Variants in SLC44A1 observed in about 807,000 individuals in gnomAD.
SLC44A1 encodes the protein choline transporter-like protein 1.
SLC44A1 carries 26 observed loss-of-function variants against 79.3 expected under a neutral mutation model. The observed-to-expected ratio is 0.33, with a 90% CI of 0.24 to 0.46. The LOEUF is 0.46. Among genes scored for constraint, SLC44A1 ranks in the 20% least tolerant of loss-of-function variants. The pLI, the probability that SLC44A1 is intolerant of heterozygous loss-of-function variation, is 1.00. For missense variants in SLC44A1, 688 were observed against 798.1 expected (o/e 0.86, Z 1.66); for synonymous variants, 263 against 286.2 (o/e 0.92, Z 0.82).
In SLC44A1 at chr9:105,393,490, T is replaced by G; in HGVS notation, c.*4434T>G. The G allele has an allele frequency of 1.1e-6, 1 of 944,330 alleles. No homozygotes were observed. Among genetic ancestry groups the G allele is most frequent in the African/African-American group, 1.8e-5 (1 of 56,472 alleles). 58.5% of individuals were successfully genotyped at this position (944,330 alleles called of 1,614,324 possible). A position where few individuals can be genotyped will look rare whatever the true frequency, so the allele number is the denominator to read the frequency against. On this transcript the variant is annotated 3_prime_UTR_variant, in exon 16 of 16. Transcript: ENST00000374720. Reference sequence around the variant, plus strand: ...ATACATTTGAGCCAAATTCTTATACTCCATGTTTTAATTTTAAAAGGATAA... The same window carrying G: ...ATACATTTGAGCCAAATTCTTATACGCCATGTTTTAATTTTAAAAGGATAA...
chr9:105,388,770 A>C (rs1828691858), intron 15 of SLC44A1, among the ~76,000 whole-genome samples: 1 of 152,188 alleles, frequency 6.6e-6, no homozygotes, highest in Non-Finnish European at 1.5e-5. Context: ...AAAGAACTTA[A>C]AGAGAAAAGG....
chr9:105,408,496 A>G (rs55936368), intron 15 of SLC44A1, among the ~76,000 whole-genome samples: 1 of 151,934 alleles, frequency 6.6e-6, no homozygotes, highest in Non-Finnish European at 1.5e-5. Flanking sequence ...TGCAACCTCC[A>G]CCTCCTGGGT....
chr9:105,275,187 C>T (rs1011633861), intron 1 of SLC44A1, among the ~76,000 whole-genome samples: 3 of 152,112 alleles, frequency 2.0e-5, no homozygotes, highest in East Asian at 3.8e-4. Context: ...ACTATACAAC[C>T]GTAGCATGTA....
intron 15 of SLC44A1, among the ~76,000 whole-genome samples, chr9:105,418,662 C>CACA (rs1829206399): frequency 6.6e-6 from 1 of 152,164 alleles, no homozygotes; most frequent in Non-Finnish European, 1.5e-5. Flanking sequence ...AGATGTGGGC[C>CACA]ACAACCCTGA....
At position 105,395,198 on chromosome 9, in the gene SLC44A1, A is replaced by G. The variant is rs527509591; in HGVS notation, c.*6142A>G. 343 of 984,916 alleles carry G rather than the reference A, an allele frequency of 3.5e-4. 2 individuals are homozygous for G. The African/African-American group carries it at 5.6e-3, about 16-fold the overall frequency. 61.0% of individuals were successfully genotyped at this position (984,916 alleles called of 1,614,324 possible). A position where few individuals can be genotyped will look rare whatever the true frequency, so the allele number is the denominator to read the frequency against. ...CCTACCCCACCCCACACTCCTAGAA[A>G]AGTTTGGGGGTTTTTTTTGTTTGTT... On this transcript the variant is annotated 3_prime_UTR_variant, in exon 16 of 16. Coordinates refer to ENST00000374720, the MANE Select transcript of SLC44A1 (RefSeq NM_080546.5).
At chr9:105,407,953 G>C (rs1425123055) in intron 15 of SLC44A1, among the ~76,000 whole-genome samples, 1 of 151,934 alleles carries the variant, frequency 6.6e-6, no homozygotes, top group Admixed American at 6.6e-5. Flanking sequence ...GATCACCTGA[G>C]GTCAGGAGTT....
At chr9:105,272,597 C>A (rs7868345) in intron 1 of SLC44A1, among the ~76,000 whole-genome samples, 2 of 149,788 alleles carry the variant, frequency 1.3e-5, no homozygotes, top group African/African-American at 4.9e-5. Flanking sequence ...ATTCTCTTTA[C>A]AGGTGAAAAA....
At chr9:105,313,632 A>G (rs1331474823) in intron 3 of SLC44A1, among the ~76,000 whole-genome samples, 1 of 151,708 alleles carries the variant, frequency 6.6e-6, no homozygotes, top group East Asian at 1.9e-4. Context: ...TATATTTTGA[A>G]CTCTGATTGG....
chr9:105,413,387 T>C (rs750234028), intron 15 of SLC44A1, among the ~76,000 whole-genome samples: 7 of 152,128 alleles, frequency 4.6e-5, no homozygotes, highest in Non-Finnish European at 8.8e-5. Flanking sequence ...TCCAAGAAAA[T>C]TTCGCCTTCC....
In SLC44A1 at chr9:105,361,052, T is replaced by C. The variant is rs183371334; in HGVS notation, c.761-139T>C. The C allele has an allele frequency of 7.6e-6, 6 of 792,350 alleles. No individual in the cohort carries two copies. In the East Asian group the frequency reaches 1.6e-4, roughly 21 times the overall value. The allele number at this position is 792,350 out of a possible 1,614,324, so 49.1% of individuals were successfully genotyped here. A position where few individuals can be genotyped will look rare whatever the true frequency, so the allele number is the denominator to read the frequency against. ...CTTTATGCTGGCAAAAAGTTATAGC[T>C]ATGTACTTCCCAGCCAAATGGATTG... On this transcript the variant is annotated intron_variant, in intron 7 of 15. Coordinates refer to ENST00000374720, the MANE Select transcript of SLC44A1 (RefSeq NM_080546.5).
chr9:105,373,950 A>T (rs1288852034), intron 12 of SLC44A1, among the ~76,000 whole-genome samples: 1 of 152,216 alleles, frequency 6.6e-6, no homozygotes, highest in Non-Finnish European at 1.5e-5. Flanking sequence ...TAATTGGCTT[A>T]TGTCAATCAA....
intron 1 of SLC44A1, among the ~76,000 whole-genome samples, chr9:105,274,345 G>A (rs1280725318): frequency 1.3e-5 from 2 of 152,296 alleles, no homozygotes; most frequent in Non-Finnish European, 2.9e-5. Context: ...AATTGTACTC[G>A]TGGAGGTGTA....
chr9:105,302,390 G>A (rs981181310), intron 2 of SLC44A1, among the ~76,000 whole-genome samples: 6 of 151,114 alleles, frequency 4.0e-5, no homozygotes, highest in Admixed American at 2.6e-4. Flanking sequence ...GTCTTGCTCT[G>A]TCATTCAGGC....
Position 105,390,521 on chromosome 9 carries a change from G to C in SLC44A1, c.*1465G>C. ...AAAGCATTGCCTCCTACCAGAACTA[G>C]ACAGTGAATTAGATCGGTATTATGG... is the stretch of plus-strand genomic sequence containing the variant. On this transcript the variant is annotated 3_prime_UTR_variant, in exon 16 of 16. Transcript: ENST00000374720. 1 of 981,116 alleles carries C rather than the reference G, an allele frequency of 1.0e-6. No homozygotes were observed. The highest frequency in any genetic ancestry group is 1.2e-6 in the Non-Finnish European group (1 of 829,442). The allele number at this position is 981,116 out of a possible 1,614,324, so 60.8% of individuals were successfully genotyped here. A position where few individuals can be genotyped will look rare whatever the true frequency, so the allele number is the denominator to read the frequency against.
intron 2 of SLC44A1, among the ~76,000 whole-genome samples, chr9:105,305,899 T>C (rs922818661): frequency 2.7e-5 from 4 of 148,786 alleles, no homozygotes; most frequent in African/African-American, 1.0e-4. Context: ...GCAAAAGCCC[T>C]TACTTAGGTA....
At chr9:105,377,623 C>T (rs996576096) in intron 13 of SLC44A1, among the ~76,000 whole-genome samples, 71 of 151,418 alleles carry the variant, frequency 4.7e-4, no homozygotes, top group African/African-American at 1.6e-3. Context: ...ATTAGCCGGG[C>T]GTGGTGGCGA....
At chr9:105,329,024 C>T (rs1327121326) in intron 3 of SLC44A1, among the ~76,000 whole-genome samples, 1 of 152,130 alleles carries the variant, frequency 6.6e-6, no homozygotes, top group Non-Finnish European at 1.5e-5. Context: ...TACCCCAACA[C>T]CAGCCCCTCT....
In SLC44A1 at chr9:105,396,560, C is replaced by G; in HGVS notation, c.*7504C>G. On this transcript the variant is annotated 3_prime_UTR_variant, in exon 16 of 16. Transcript: ENST00000374720. ...CAGTAGGGACCTGCTATTGATCTCT[C>G]AGGCACTGAGTCTTCACATCCAGTG... is the stretch of plus-strand genomic sequence containing the variant. 1 of 985,408 alleles carries G rather than the reference C, an allele frequency of 1.0e-6. No individual in the cohort carries two copies. Among genetic ancestry groups the G allele is most frequent in the Non-Finnish European group, 1.2e-6 (1 of 829,908 alleles). 61.0% of individuals were successfully genotyped at this position (985,408 alleles called of 1,614,324 possible). A position where few individuals can be genotyped will look rare whatever the true frequency, so the allele number is the denominator to read the frequency against.
At chr9:105,406,977 G>A (rs969927632) in intron 15 of SLC44A1, among the ~76,000 whole-genome samples, 1 of 152,114 alleles carries the variant, frequency 6.6e-6, no homozygotes, top group Non-Finnish European at 1.5e-5. Flanking sequence ...GAAAATAACT[G>A]ATATCAAAAA....
Sources: gnomAD v4.1 joint callset for allele counts (sites outside exome capture counted in the v4.1 genomes callset) on GRCh38, gnomAD v4.1.1 for gene constraint, MANE v1.5 for transcripts, NCBI Gene and HGNC (gene_info 2026-07-23, HGNC 2026-07-21) for gene names.